Variants in ESR1 observed in about 807,000 individuals in gnomAD.
The protein encoded by ESR1 is estrogen receptor.
A neutral mutation model predicts 52.7 loss-of-function variants in ESR1; 12 were observed. That is an observed-to-expected ratio of 0.23 (90% CI 0.15 to 0.37). The LOEUF (loss-of-function observed/expected upper bound fraction) is 0.37, where lower values mean the gene tolerates loss of function less well. ESR1 is among the 10% of genes least tolerant of loss of function. ESR1 has a pLI of 1.00. For synonymous variants in ESR1, 305 were observed against 316.8 expected (o/e 0.96, Z 0.39); for missense variants, 584 against 779.7 (o/e 0.75, Z 2.99).
At chr6:151,920,025 T>TA in intron 3 of ESR1, among the ~76,000 whole-genome samples, 1 of 152,368 alleles carries the variant, frequency 6.6e-6, no homozygotes, top group Middle Eastern at 3.4e-3. Flanking sequence ...TAAAGGCTTT[T>TA]TAAGCAGCAA....
chr6:152,075,107 A>T (rs552668380), intron 6 of ESR1, among the ~76,000 whole-genome samples: 1 of 152,332 alleles, frequency 6.6e-6, no homozygotes, highest in East Asian at 1.9e-4. Flanking sequence ...ATTGTGGAAG[A>T]AGCCATGGGG....
chr6:152,051,252 T>C (rs931248419), intron 5 of ESR1, among the ~76,000 whole-genome samples: 14 of 152,230 alleles, frequency 9.2e-5, no homozygotes, highest in Non-Finnish European at 1.6e-4. Context: ...CTAGAATTTC[T>C]GTGCCCTCAA....
At chr6:151,801,888 C>T (rs182447428), upstream of ESR1, among the ~76,000 whole-genome samples, 15 of 152,240 alleles carry the variant, frequency 9.9e-5, no homozygotes, top group African/African-American at 3.4e-4. Flanking sequence ...GTAGGAAATG[C>T]GGTACATGCA....
At chr6:151,937,409 G>A (rs560589780) in intron 3 of ESR1, among the ~76,000 whole-genome samples, 1 of 152,216 alleles carries the variant, frequency 6.6e-6, no homozygotes, top group South Asian at 2.1e-4. Flanking sequence ...GAAAGAAGAC[G>A]GAAGATAGAC....
At position 152,121,813 on chromosome 6, in the gene ESR1, T is replaced by C. The variant is rs538322324; in HGVS notation, c.851-3453T>C. ...ATTCAACTTTTTTCACATAAAGCCTTCCATGATCTTATTTATTACATCTAG... is the reference window on the plus strand; with the variant it reads ...ATTCAACTTTTTTCACATAAAGCCTCCCATGATCTTATTTATTACATCTAG... On this transcript the variant is annotated intron_variant, in intron 6 of 6. Coordinates refer to the ESR1 transcript ENST00000427531. The C allele has an allele frequency of 3.3e-5, 5 of 153,396 alleles. 1 individual carries two copies. The South Asian group carries it at 1.0e-3, about 32-fold the overall frequency. The allele number at this position is 153,396 out of a possible 1,614,324, so 9.5% of individuals were successfully genotyped here. A position where few individuals can be genotyped will look rare whatever the true frequency, so the allele number is the denominator to read the frequency against.
intron 4 of ESR1, among the ~76,000 whole-genome samples, chr6:151,969,040 G>T (rs547634444): frequency 6.6e-6 from 1 of 151,996 alleles, no homozygotes; most frequent in African/African-American, 2.4e-5. Context: ...CAGGAGTATT[G>T]GGCAGTAGGG....
chr6:151,998,940 G>T (rs2041726688), intron 4 of ESR1, among the ~76,000 whole-genome samples: 1 of 152,088 alleles, frequency 6.6e-6, no homozygotes. Flanking sequence ...AGAACCCACA[G>T]ATGTTGTACA....
chr6:151,821,620 T>G (rs1350956901), intron 1 of ESR1, among the ~76,000 whole-genome samples: 1 of 152,188 alleles, frequency 6.6e-6, no homozygotes, highest in Non-Finnish European at 1.5e-5. Context: ...AGCAGTTGGG[T>G]GCTATTTTTA....
intron 2 of ESR1, among the ~76,000 whole-genome samples, chr6:151,879,597 G>A (rs939646130): frequency 6.6e-6 from 1 of 152,068 alleles, no homozygotes; most frequent in South Asian, 2.1e-4. Flanking sequence ...AAGAAAGAGG[G>A]TTCATCATAA....
intron 1 of ESR1, among the ~76,000 whole-genome samples, chr6:151,671,207 A>T (rs1778045149): frequency 6.6e-6 from 1 of 152,222 alleles, no homozygotes; most frequent in South Asian, 2.1e-4. Flanking sequence ...AAATAAAATC[A>T]GTGTCAAAGG....
downstream of ESR1, among the ~76,000 whole-genome samples, chr6:152,104,034 CTCAG>C (rs1413656959): frequency 2.2e-5 from 3 of 139,128 alleles, no homozygotes; most frequent in Non-Finnish European, 4.5e-5. Context: ...TTCCCTGGGC[CTCAG>C]TTTCTTGACT....
intron 2 of ESR1, among the ~76,000 whole-genome samples, chr6:151,760,105 A>G (rs2128094639): frequency 6.6e-6 from 1 of 152,314 alleles, no homozygotes; most frequent in South Asian, 2.1e-4. Context: ...AGGTTGGCTC[A>G]ATCTTCAATT....
At chr6:151,778,194 T>C (rs899236947) in intron 2 of ESR1, among the ~76,000 whole-genome samples, 1 of 152,026 alleles carries the variant, frequency 6.6e-6, no homozygotes, top group East Asian at 1.9e-4. Flanking sequence ...CTACCTAGAA[T>C]AGGCAAATTC....
intron 4 of ESR1, among the ~76,000 whole-genome samples, chr6:151,965,271 A>G (rs146108784): frequency 4.7e-4 from 71 of 152,304 alleles, no homozygotes; most frequent in East Asian, 3.7e-3. Flanking sequence ...AATCTGCTAT[A>G]GTTTTTAAAC....
At chr6:151,669,663 C>A (rs1391304541) in intron 1 of ESR1, among the ~76,000 whole-genome samples, 1 of 152,044 alleles carries the variant, frequency 6.6e-6, no homozygotes, top group African/African-American at 2.4e-5. Flanking sequence ...ATGATGTAAC[C>A]ACTTGGTAGG....
intron 3 of ESR1, among the ~76,000 whole-genome samples, chr6:151,892,384 C>T (rs957196844): frequency 6.6e-6 from 1 of 151,996 alleles, no homozygotes; most frequent in Admixed American, 6.6e-5. Flanking sequence ...CTGTAAAAAC[C>T]GGTAGGAATG....
intron 4 of ESR1, among the ~76,000 whole-genome samples, chr6:151,998,692 G>T (rs150617504): frequency 8.1e-4 from 123 of 152,174 alleles, no homozygotes; most frequent in East Asian, 7.2e-3. Flanking sequence ...TATATCAATT[G>T]TTTTCTTGAA....
chr6:151,869,849 G>T (rs557255559), intron 2 of ESR1, among the ~76,000 whole-genome samples: 1 of 152,196 alleles, frequency 6.6e-6, no homozygotes, highest in African/African-American at 2.4e-5. Flanking sequence ...TGGAGGTGGT[G>T]GTTGTCACTG....
At chr6:151,736,035 G>T (rs943843151) in intron 2 of ESR1, among the ~76,000 whole-genome samples, 3 of 152,130 alleles carry the variant, frequency 2.0e-5, no homozygotes, top group Non-Finnish European at 4.4e-5. Context: ...CAGCCATGTG[G>T]AACTGTTGAG....
Sources: gnomAD v4.1 joint callset for allele counts (sites outside exome capture counted in the v4.1 genomes callset) on GRCh38, gnomAD v4.1.1 for gene constraint, MANE v1.5 for transcripts, NCBI Gene and HGNC (gene_info 2026-07-23, HGNC 2026-07-21) for gene names.